CTNNA3: variants seen among roughly 807,000 people sequenced by gnomAD.
CTNNA3 encodes catenin alpha-3.
CTNNA3 carries 76 observed loss-of-function variants against 95.7 expected under a neutral mutation model. The ratio of observed to expected loss-of-function variants is 0.79; its 90% CI spans 0.66 to 0.96. CTNNA3 has a LOEUF of 0.96. CTNNA3 is among the 40% of genes least tolerant of loss of function. The pLI, the probability that CTNNA3 is intolerant of heterozygous loss-of-function variation, is 0.00. For missense variants in CTNNA3, 1,191 were observed against 1,089.8 expected, an observed-to-expected ratio of 1.09 and a Z score of -1.31; for synonymous variants, 431 against 374.4, an observed-to-expected ratio of 1.15 and a Z score of -1.74.
chr10:67,248,831 C>A (rs183080249), intron 5 of CTNNA3, among the ~76,000 whole-genome samples: 3 of 152,286 alleles, frequency 2.0e-5, no homozygotes, highest in Non-Finnish European at 4.4e-5. Context: ...CTGTCTCAAC[C>A]TATTTATGCC....
rs1839620964 is a variant in CTNNA3, at chr10:66,762,081, A to C, written c.1281+4183T>G. Reference sequence around the variant, plus strand: ...GCTGTATAGACTTTGCTATCAGAGGAGCCTCAAAGCAATAATCCTCTCTAG... The same window carrying C: ...GCTGTATAGACTTTGCTATCAGAGGCGCCTCAAAGCAATAATCCTCTCTAG... On this transcript the variant is annotated intron_variant, in intron 9 of 17. Coordinates refer to ENST00000433211, the MANE Select transcript of CTNNA3 (RefSeq NM_013266.4). 2.0e-5 allele frequency among the ~76,000 whole-genome samples: 3 copies of C among 152,188 alleles called. No homozygotes were observed. The South Asian group carries it at 6.2e-4, about 32-fold the overall frequency.
chr10:66,888,100 G>A (rs1845114094), intron 7 of CTNNA3, among the ~76,000 whole-genome samples: 2 of 152,148 alleles, frequency 1.3e-5, no homozygotes. Context: ...TGTGGTCAGA[G>A]AAAGATGTGA....
At chr10:65,937,379 G>C (rs1250155729) in intron 17 of CTNNA3, among the ~76,000 whole-genome samples, 1 of 152,152 alleles carries the variant, frequency 6.6e-6, no homozygotes, top group African/African-American at 2.4e-5. Context: ...CTCAAACTAT[G>C]ATTTTGCCAA....
At chr10:66,217,278 G>A (rs112599920) in intron 13 of CTNNA3, among the ~76,000 whole-genome samples, 5,569 of 150,368 alleles carry the variant, frequency 0.037, 244 homozygotes, top group African/African-American at 0.11. Flanking sequence ...GCTTGAACCC[G>A]AGAGGCAGAG....
intron 6 of CTNNA3, 148 bp from the exon 7 acceptor site, chr10:67,180,668 C>T: frequency 1.6e-6 from 1 of 633,608 alleles, no homozygotes; most frequent in Non-Finnish European, 2.8e-6. Flanking sequence ...ACACATAATG[C>T]TATGTAGTGA....
intron 3 of CTNNA3, among the ~76,000 whole-genome samples, chr10:67,583,619 G>A (rs1842500621): frequency 6.6e-6 from 1 of 152,172 alleles, no homozygotes; most frequent in Admixed American, 6.5e-5. Context: ...TTGCTAGGTT[G>A]TGGAAGTTCT....
chr10:67,598,674 G>A (rs1270159312), intron 3 of CTNNA3, among the ~76,000 whole-genome samples: 4 of 152,028 alleles, frequency 2.6e-5, no homozygotes, highest in African/African-American at 7.2e-5. Context: ...ACTAGAAACC[G>A]TAGTGGTTGA....
intron 7 of CTNNA3, among the ~76,000 whole-genome samples, chr10:67,078,889 T>C (rs948451384): frequency 1.3e-5 from 2 of 152,178 alleles, no homozygotes; most frequent in African/African-American, 2.4e-5. Context: ...ATTTTGACAA[T>C]GCAAAAGCAG....
chr10:66,076,906 C>A (rs2080573868), intron 14 of CTNNA3, among the ~76,000 whole-genome samples: 1 of 151,540 alleles, frequency 6.6e-6, no homozygotes, highest in Admixed American at 6.6e-5. Flanking sequence ...ATAATGAAAC[C>A]CTCTCCAATG....
intron 9 of CTNNA3, among the ~76,000 whole-genome samples, chr10:66,643,979 C>T (rs1845605245): frequency 1.3e-5 from 2 of 152,062 alleles, no homozygotes; most frequent in Non-Finnish European, 2.9e-5. Flanking sequence ...CAAAATAGGC[C>T]AGGCATGGAG....
chr10:66,729,726 C>T (rs1378486326), intron 9 of CTNNA3, among the ~76,000 whole-genome samples: 4 of 152,102 alleles, frequency 2.6e-5, no homozygotes, highest in African/African-American at 7.2e-5. Flanking sequence ...CAACATCTCA[C>T]AAAAACACCA....
chr10:67,005,680 A>ATTTTTTTTTTTTTTTTTT (rs1564825972), intron 7 of CTNNA3, among the ~76,000 whole-genome samples: 1 of 26,372 alleles, frequency 3.8e-5, no homozygotes, highest in Non-Finnish European at 1.1e-4. Flanking sequence ...ATTTTACTCC[A>ATTTTTTTTTTTTTTTTTT]TCTTTTTTTT....
intron 5 of CTNNA3, among the ~76,000 whole-genome samples, chr10:67,331,341 C>T (rs1841786593): frequency 6.6e-6 from 1 of 152,174 alleles, no homozygotes; most frequent in Non-Finnish European, 1.5e-5. Flanking sequence ...TGCTGTGTTT[C>T]CATTTTCCAA....
At chr10:67,153,829 T>C (rs1055491318) in intron 7 of CTNNA3, among the ~76,000 whole-genome samples, 3 of 152,270 alleles carry the variant, frequency 2.0e-5, no homozygotes, top group Admixed American at 6.5e-5. Context: ...TTTCAAAATG[T>C]TCCTTTTTTT....
At position 66,627,630 on chromosome 10, in the gene CTNNA3, A is replaced by G. The variant is rs536308036; in HGVS notation, c.1282-5846T>C. On this transcript the variant is annotated intron_variant, in intron 9 of 17. Coordinates refer to ENST00000433211, the MANE Select transcript of CTNNA3 (RefSeq NM_013266.4). ...AGTTGAAAGCTGGTAATGTATAACC[A>G]TAATTATTTCTGTGAAAGGCAACTT... Among the ~76,000 whole-genome samples, 203 of 152,252 alleles carry G rather than the reference A, an allele frequency of 1.3e-3. 2 individuals are homozygous for G. The highest frequency in any genetic ancestry group is 4.8e-3 in the African/African-American group (199 of 41,560).
chr10:66,768,784 CAAA>C (rs9331404), intron 8 of CTNNA3, among the ~76,000 whole-genome samples: 3 of 150,588 alleles, frequency 2.0e-5, no homozygotes, highest in Admixed American at 6.6e-5. Flanking sequence ...AGACTGACAG[CAAA>C]AAAAAAAATT....
chr10:66,355,292 A>C (rs2092600329), intron 12 of CTNNA3, among the ~76,000 whole-genome samples: 1 of 152,116 alleles, frequency 6.6e-6, no homozygotes, highest in African/African-American at 2.4e-5. Flanking sequence ...TATTTCATGG[A>C]TCCACCATTT....
intron 13 of CTNNA3, among the ~76,000 whole-genome samples, chr10:66,148,247 G>A (rs890123310): frequency 2.0e-5 from 3 of 151,992 alleles, no homozygotes; most frequent in South Asian, 4.2e-4. Context: ...TCTGTTTATA[G>A]TATAGTATTG....
chr10:67,576,441 A>C (rs1842147873), intron 3 of CTNNA3, among the ~76,000 whole-genome samples: 1 of 152,080 alleles, frequency 6.6e-6, no homozygotes, highest in Non-Finnish European at 1.5e-5. Context: ...CTCTACTATA[A>C]TTGTTGTATA....
Sources: gnomAD v4.1 joint callset for allele counts (sites outside exome capture counted in the v4.1 genomes callset) on GRCh38, gnomAD v4.1.1 for gene constraint, MANE v1.5 for transcripts, NCBI Gene and HGNC (gene_info 2026-07-23, HGNC 2026-07-21) for gene names.